The following TNR variants were observed in gnomAD, a reference collection of about 807,000 sequenced individuals.
TNR encodes the protein tenascin-R.
A neutral mutation model predicts 150.4 loss-of-function variants in TNR; 45 were observed. The observed-to-expected ratio is 0.30, with a 90% CI of 0.24 to 0.38. The LOEUF is 0.38. Ranked by LOEUF, TNR falls within the 10% of genes least tolerant of loss-of-function variation. TNR has a pLI of 1.00. For synonymous variants in TNR, 687 were observed against 678.4 expected, an observed-to-expected ratio of 1.01 and a Z score of -0.20; for missense variants, 1,544 against 1,759.1, an observed-to-expected ratio of 0.88 and a Z score of 2.19.
intron 7 of TNR, among the ~76,000 whole-genome samples, chr1:175,389,934 T>C (rs1373052177): frequency 1.3e-5 from 2 of 152,230 alleles, no homozygotes; most frequent in East Asian, 1.9e-4. Flanking sequence ...GAAAGCTTTT[T>C]GGGTGGTAAA....
intron 2 of TNR, among the ~76,000 whole-genome samples, chr1:175,416,507 T>G (rs6679400): frequency 0.19 from 28,393 of 152,254 alleles, 2,803 homozygotes; most frequent in Middle Eastern, 0.28. Flanking sequence ...CTGTGTTTCT[T>G]GAGCTTGGAG....
intron 1 of TNR, among the ~76,000 whole-genome samples, chr1:175,663,817 G>C (rs1285331495): frequency 6.6e-6 from 1 of 152,200 alleles, no homozygotes; most frequent in Non-Finnish European, 1.5e-5. Context: ...TTTAGTCTGG[G>C]GAACTGGAGA....
chr1:175,347,696 C>G (rs1347030574), intron 18 of TNR, among the ~76,000 whole-genome samples: 1 of 151,950 alleles, frequency 6.6e-6, no homozygotes, highest in Non-Finnish European at 1.5e-5. Context: ...GCTGGGATTA[C>G]AGGTGTGAGC....
At chr1:175,334,284 G>T (rs1650109488) in intron 20 of TNR, among the ~76,000 whole-genome samples, 1 of 152,216 alleles carries the variant, frequency 6.6e-6, no homozygotes, top group Non-Finnish European at 1.5e-5. Flanking sequence ...CTAACCATGG[G>T]AGGAATTTAG....
At position 175,320,648 on chromosome 1, in the gene TNR, C is replaced by A. The variant is rs1208378873; in HGVS notation, c.*2709G>T. 2.0e-5 allele frequency: 3 copies of A among 151,318 alleles called. No individual in the cohort carries two copies. Among genetic ancestry groups the A allele is most frequent in the Non-Finnish European group, 2.9e-5 (2 of 67,918 alleles). The allele number at this position is 151,318 out of a possible 1,614,324, so 9.4% of individuals were successfully genotyped here. On this transcript the variant is annotated 3_prime_UTR_variant, in exon 23 of 23. Transcript: ENST00000367674. Reference sequence around the variant, plus strand: ...GGTACCTGGTCTCTGTTTTTATGGACAAAAAGAGTTCAGCCTCTCACTCGG... The same window carrying A: ...GGTACCTGGTCTCTGTTTTTATGGAAAAAAAGAGTTCAGCCTCTCACTCGG...
intron 15 of TNR, among the ~76,000 whole-genome samples, chr1:175,358,943 C>T (rs780473234): frequency 7.9e-5 from 12 of 152,010 alleles, no homozygotes; most frequent in East Asian, 1.9e-4. Flanking sequence ...TCTTGCTCTG[C>T]GAATATTTAG....
intron 1 of TNR, among the ~76,000 whole-genome samples, chr1:175,741,869 AC>A (rs1264578508): frequency 6.6e-6 from 1 of 152,080 alleles, no homozygotes; most frequent in Non-Finnish European, 1.5e-5. Flanking sequence ...GAGTGAAACC[AC>A]CCCACCTTGC....
intron 3 of TNR, 108 bp from the exon 4 acceptor site, chr1:175,403,724 G>A: frequency 1.1e-6 from 1 of 890,834 alleles, no homozygotes; most frequent in South Asian, 1.6e-5. Flanking sequence ...CCAGATTTCT[G>A]TTGCTGAGAG....
chr1:175,618,883 C>G (rs535536868), intron 1 of TNR, among the ~76,000 whole-genome samples: 148 of 150,216 alleles, frequency 9.9e-4, no homozygotes, highest in African/African-American at 3.5e-3. Flanking sequence ...ACCTGGCACA[C>G]AGGTTGTGAT....
At chr1:175,326,527 G>A (rs1023746012) in intron 21 of TNR, among the ~76,000 whole-genome samples, 2 of 152,076 alleles carry the variant, frequency 1.3e-5, no homozygotes, top group African/African-American at 2.4e-5. Context: ...CGTCTTCTTC[G>A]TCTTCCCCTT....
chr1:175,647,293 G>T (rs957605932), intron 1 of TNR, among the ~76,000 whole-genome samples: 12 of 152,134 alleles, frequency 7.9e-5, no homozygotes, highest in African/African-American at 2.2e-4. Flanking sequence ...CACAAAAAAT[G>T]GTTCAAGTGT....
At chr1:175,601,820 T>A (rs1364944163) in intron 1 of TNR, among the ~76,000 whole-genome samples, 1 of 152,170 alleles carries the variant, frequency 6.6e-6, no homozygotes, top group Non-Finnish European at 1.5e-5. Flanking sequence ...TCCTACCTAA[T>A]AGAATAGTCA....
intron 1 of TNR, among the ~76,000 whole-genome samples, chr1:175,650,477 A>T (rs1245920784): frequency 6.6e-6 from 1 of 151,902 alleles, no homozygotes; most frequent in Non-Finnish European, 1.5e-5. Flanking sequence ...TGAGACTTCA[A>T]TGCCTGTATT....
intron 1 of TNR, among the ~76,000 whole-genome samples, chr1:175,649,906 T>C (rs2101887596): frequency 6.6e-6 from 1 of 152,362 alleles, no homozygotes; most frequent in East Asian, 1.9e-4. Context: ...ATGTTTCCTC[T>C]GCCTGGAAGA....
At chr1:175,563,269 G>A (rs58376805) in intron 1 of TNR, among the ~76,000 whole-genome samples, 14,320 of 152,206 alleles carry the variant, frequency 0.094, 727 homozygotes, top group Middle Eastern at 0.14. Context: ...CAGTAAAAAG[G>A]CAAGTGGATG....
chr1:175,718,539 C>T (rs1667217637), intron 1 of TNR, among the ~76,000 whole-genome samples: 1 of 152,212 alleles, frequency 6.6e-6, no homozygotes, highest in African/African-American at 2.4e-5. Context: ...CGGTGTTTGT[C>T]AGGCCTAGGC....
intron 1 of TNR, among the ~76,000 whole-genome samples, chr1:175,625,343 G>GC (rs1664117055): frequency 6.6e-6 from 1 of 152,218 alleles, no homozygotes; most frequent in African/African-American, 2.4e-5. Flanking sequence ...TAGATGTTGG[G>GC]CCCTGTCAAA....
chr1:175,340,351 A>T (rs2298917), intron 18 of TNR, among the ~76,000 whole-genome samples: 104,870 of 152,086 alleles, frequency 0.69, 36,496 homozygotes, highest in East Asian at 0.8. Context: ...TGATTTAGTC[A>T]GTGGCATTAA....
At chr1:175,656,160 G>GTGTC (rs1665168138) in intron 1 of TNR, among the ~76,000 whole-genome samples, 1 of 148,744 alleles carries the variant, frequency 6.7e-6, no homozygotes, top group Non-Finnish European at 1.5e-5. Flanking sequence ...GTGTGTGTGT[G>GTGTC]TGTGTGTGTG....
Sources: allele counts gnomAD v4.1 joint callset (sites outside exome capture counted in the v4.1 genomes callset), GRCh38; gene constraint gnomAD v4.1.1; transcripts MANE v1.5; gene names NCBI Gene and HGNC (gene_info 2026-07-23, HGNC 2026-07-21).